Variants in DNAH6 observed in about 807,000 individuals in gnomAD.
DNAH6 encodes axonemal beta dynein heavy chain 6.
A neutral mutation model predicts 491.4 loss-of-function variants in DNAH6; 340 were observed. That is an observed-to-expected ratio of 0.69 (90% CI 0.63 to 0.76). DNAH6 has a LOEUF of 0.76. DNAH6 is among the 30% of genes least tolerant of loss of function. DNAH6 has a pLI of 0.00. For synonymous variants in DNAH6, 1,603 were observed against 1,686.1 expected, an observed-to-expected ratio of 0.95 and a Z score of 1.21; for missense variants, 4,443 against 4,972.2, an observed-to-expected ratio of 0.89 and a Z score of 3.20.
At chr2:84,754,685 G>A (rs1673825256) in intron 63 of DNAH6, among the ~76,000 whole-genome samples, 1 of 152,152 alleles carries the variant, frequency 6.6e-6, no homozygotes, top group Admixed American at 6.5e-5. Context: ...GATTACTGCA[G>A]CTTTGAAGTA....
chr2:84,501,097 A>G, the DNAH6 span, among the ~76,000 whole-genome samples: 1 of 152,176 alleles, frequency 6.6e-6, no homozygotes, highest in Non-Finnish European at 1.5e-5. Flanking sequence ...CATCCTTGTC[A>G]TGTTCCAGAT....
Position 84,669,323 on chromosome 2 carries a change from T to A in DNAH6, c.6119T>A (p.Met2040Lys), listed in dbSNP as rs1221654913. ...PNSGDLWSIH[M>K]DFDTKRLDPW... ...TCTGGTGATCTGTGGAGCATTCATA[T>A]GGACTTTGACACCAAACGGCTGGAT... Residue 2040 changes from methionine to lysine, a missense_variant, in exon 38 of 77, where the codon ATG becomes AAG. This residue lies in a region of DNAH6 where 2,977 missense variants were observed against 3,296.6 expected (regional missense o/e 0.90). Transcript: ENST00000389394. 1 of 1,550,190 alleles carries A rather than the reference T, an allele frequency of 6.5e-7. No homozygotes were observed. Among genetic ancestry groups the A allele is most frequent in the Admixed American group, 2.0e-5 (1 of 50,952 alleles).
intron 70 of DNAH6, among the ~76,000 whole-genome samples, chr2:84,798,052 C>A (rs1366044212): frequency 1.3e-5 from 2 of 152,148 alleles, no homozygotes; most frequent in Non-Finnish European, 2.9e-5. Context: ...ATACGTGATT[C>A]AATTATAAAA....
chr2:84,491,421 A>G, the DNAH6 span, among the ~76,000 whole-genome samples: 3 of 152,114 alleles, frequency 2.0e-5, no homozygotes, highest in East Asian at 5.8e-4. Flanking sequence ...ATGGATCATG[A>G]CTGTTAAAAG....
chr2:84,655,907 G>A (rs1690921054), intron 35 of DNAH6, among the ~76,000 whole-genome samples: 1 of 151,970 alleles, frequency 6.6e-6, no homozygotes, highest in African/African-American at 2.4e-5. Flanking sequence ...TATAGTATCA[G>A]GCAGAATAGT....
At chr2:84,555,954 G>A (rs895641378) in intron 10 of DNAH6, among the ~76,000 whole-genome samples, 1 of 152,096 alleles carries the variant, frequency 6.6e-6, no homozygotes, top group African/African-American at 2.4e-5. Context: ...AGTCTGCTCT[G>A]ATCTGCCTGC....
intron 39 of DNAH6, among the ~76,000 whole-genome samples, 178 bp downstream of exon 39, chr2:84,670,653 C>T (rs1382659389): frequency 4.6e-5 from 7 of 152,186 alleles, no homozygotes; most frequent in Admixed American, 4.6e-4. Flanking sequence ...TGTTGCCAAG[C>T]AAGTCATTTA....
At chr2:84,776,117 T>A (rs1265297278) in intron 64 of DNAH6, among the ~76,000 whole-genome samples, 2 of 152,186 alleles carry the variant, frequency 1.3e-5, no homozygotes, top group African/African-American at 4.8e-5. Flanking sequence ...CAAAATAAGA[T>A]CCTTTGGAAC....
At chr2:84,597,454 G>A (rs555440167) in intron 18 of DNAH6, among the ~76,000 whole-genome samples, 10 of 152,312 alleles carry the variant, frequency 6.6e-5, no homozygotes, top group African/African-American at 2.4e-4. Context: ...AGATTATATA[G>A]GAATAAGTGT....
At chr2:84,669,136 A>G (rs781620772) in intron 37 of DNAH6, among the ~76,000 whole-genome samples, 153 bp from the exon 38 acceptor site, 1 of 152,232 alleles carries the variant, frequency 6.6e-6, no homozygotes, top group Non-Finnish European at 1.5e-5. Flanking sequence ...AACTAGTCTC[A>G]GATACCTAAA....
chr2:84,683,412 ATTTTTTT>A (rs61217837), intron 42 of DNAH6, among the ~76,000 whole-genome samples: 57,125 of 93,710 alleles, frequency 0.61, 16,680 homozygotes, highest in East Asian at 0.82. Context: ...CACCACTCTT[ATTTTTTT>A]TTTTTTTTTT....
At chr2:84,643,042 A>G (rs1689574467) in intron 33 of DNAH6, among the ~76,000 whole-genome samples, 1 of 152,124 alleles carries the variant, frequency 6.6e-6, no homozygotes, top group Non-Finnish European at 1.5e-5. Flanking sequence ...TGCTTTTAAC[A>G]TTTCTTGCAA....
intron 2 of DNAH6, among the ~76,000 whole-genome samples, chr2:84,523,624 C>G (rs1295053554): frequency 3.9e-5 from 6 of 151,980 alleles, no homozygotes; most frequent in Non-Finnish European, 7.4e-5. Context: ...ACTGCCTTAA[C>G]TGTGTCCCAG....
chr2:84,699,143 T>G (rs767161831), intron 47 of DNAH6, among the ~76,000 whole-genome samples: 2 of 152,018 alleles, frequency 1.3e-5, no homozygotes, highest in Non-Finnish European at 2.9e-5. Context: ...CAATATATCT[T>G]TGTAACAAAC....
Position 84,548,420 on chromosome 2 carries a change from A to G in DNAH6, c.1316+3A>G. ...CATTATTGCATGAGGCTGACGTGGTAAGATTATTCTCATTTTCAAGAAAAA... is the reference window on the plus strand; with the variant it reads ...CATTATTGCATGAGGCTGACGTGGTGAGATTATTCTCATTTTCAAGAAAAA... On this transcript the variant is annotated splice_donor_region_variant and intron_variant, in intron 8 of 76. Coordinates refer to ENST00000389394, the MANE Select transcript of DNAH6 (RefSeq NM_001370.2). 1 of 1,613,224 alleles carries G rather than the reference A, an allele frequency of 6.2e-7. No homozygotes were observed. Among genetic ancestry groups the G allele is most frequent in the Non-Finnish European group, 8.5e-7 (1 of 1,179,800 alleles).
chr2:84,561,179 C>T (rs1444023802), intron 11 of DNAH6, among the ~76,000 whole-genome samples: 1 of 152,044 alleles, frequency 6.6e-6, no homozygotes, highest in Non-Finnish European at 1.5e-5. Context: ...GGTACTGGTA[C>T]CAAAACAGAG....
At chr2:84,681,663 G>A (rs962248049) in intron 42 of DNAH6, 135 bp downstream of exon 42, 3 of 660,606 alleles carry the variant, frequency 4.5e-6, no homozygotes, top group Non-Finnish European at 2.3e-6. Flanking sequence ...TCCTATTCAG[G>A]CTGAGTGCTT....
At chr2:84,759,915 A>C (rs1352329535) in intron 63 of DNAH6, among the ~76,000 whole-genome samples, 1 of 152,218 alleles carries the variant, frequency 6.6e-6, no homozygotes, top group Non-Finnish European at 1.5e-5. Context: ...ACATCAAATT[A>C]TATTACAAGG....
chr2:84,639,887 C>T (rs150741150), intron 31 of DNAH6, among the ~76,000 whole-genome samples: 141 of 152,254 alleles, frequency 9.3e-4, no homozygotes, highest in Admixed American at 1.8e-3. Context: ...AAAAAGGGTC[C>T]GCTTCCAGCT....
Sources: gnomAD v4.1 joint callset for allele counts (sites outside exome capture counted in the v4.1 genomes callset) on GRCh38, gnomAD v4.1.1 for gene constraint, gnomAD v4.1.1 regional missense constraint, MANE v1.5 for transcripts, NCBI Gene and HGNC (gene_info 2026-07-23, HGNC 2026-07-21) for gene names.